MTX2: variants seen among roughly 807,000 people sequenced by gnomAD.
MTX2 encodes the protein metaxin-2.
MTX2 carries 35 observed loss-of-function variants against 42.3 expected under a neutral mutation model. The ratio of observed to expected loss-of-function variants is 0.83; its 90% CI spans 0.63 to 1.10. The LOEUF is 1.10. Ranked by LOEUF, MTX2 falls within the 50% of genes least tolerant of loss-of-function variation. The pLI, the probability that MTX2 is intolerant of heterozygous loss-of-function variation, is 0.00. For synonymous variants in MTX2, 119 were observed against 100.9 expected, an observed-to-expected ratio of 1.18 and a Z score of -1.08; for missense variants, 307 against 304.1, an observed-to-expected ratio of 1.01 and a Z score of -0.07.
chr2:176,281,951 G>A (rs1194690614), intron 1 of MTX2, among the ~76,000 whole-genome samples: 1 of 152,056 alleles, frequency 6.6e-6, no homozygotes, highest in Non-Finnish European at 1.5e-5. Flanking sequence ...GATAAGACAA[G>A]TATAGTTTTC....
rs1421272115 is a variant in MTX2 at position 176,330,595 on chromosome 2, T to C, written c.555T>C (p.Asp185=). The C allele has an allele frequency of 6.3e-7, 1 of 1,585,962 alleles. No homozygotes were observed. Among genetic ancestry groups the C allele is most frequent in the Admixed American group, 1.7e-5 (1 of 59,108 alleles). ...GKKTLDQVLE[D]VDQCCQALSQ... ...ATTGCCTGTGTTAGGTCTTAGAGGA[T>C]GTAGACCAGTGCTGTCAAGCTCTCT... is the stretch of plus-strand genomic sequence containing the variant. Residue 185 remains aspartate (D), a synonymous_variant, in exon 9 of 10, where the codon GAT becomes GAC. Transcript: ENST00000249442.
At chr2:176,269,893 C>A (rs1200716614) in intron 1 of MTX2, among the ~76,000 whole-genome samples, 13 of 152,104 alleles carry the variant, frequency 8.5e-5, no homozygotes, top group Admixed American at 8.5e-4. Flanking sequence ...CGTCTCCTTC[C>A]CTTGGGCGGT....
chr2:176,299,444 T>A (rs1683971785), intron 3 of MTX2, among the ~76,000 whole-genome samples: 2 of 152,164 alleles, frequency 1.3e-5, no homozygotes. Context: ...TAATTCTATT[T>A]TTATGATTTC....
intron 8 of MTX2, among the ~76,000 whole-genome samples, chr2:176,330,338 A>G (rs1411888399): frequency 6.9e-6 from 1 of 145,824 alleles, no homozygotes; most frequent in African/African-American, 2.5e-5. Flanking sequence ...AAAGTATTAT[A>G]TATATATACT....
chr2:176,270,525 A>T, intron 1 of MTX2: 1 of 737,836 alleles, frequency 1.4e-6, no homozygotes, highest in Non-Finnish European at 2.0e-6. Flanking sequence ...ATAGAGGCTA[A>T]TGGAATTAGT....
intron 3 of MTX2, among the ~76,000 whole-genome samples, chr2:176,309,603 T>G (rs1300335567): frequency 6.6e-5 from 10 of 152,194 alleles, no homozygotes; most frequent in African/African-American, 2.4e-4. Context: ...ATATTTAGGA[T>G]AGTTAGCTCT....
Position 176,337,851 on chromosome 2 carries a change from A to G in MTX2, c.*187A>G, listed in dbSNP as rs1685034880. The G allele has an allele frequency of 2.2e-6, 1 of 454,044 alleles. No individual in the cohort carries two copies. Among genetic ancestry groups the G allele is most frequent in the Non-Finnish European group, 3.7e-6 (1 of 271,822 alleles). The allele number at this position is 454,044 out of a possible 1,614,324, so 28.1% of individuals were successfully genotyped here. A position where few individuals can be genotyped will look rare whatever the true frequency, so the allele number is the denominator to read the frequency against. On this transcript the variant is annotated 3_prime_UTR_variant, in exon 10 of 10. Coordinates refer to ENST00000249442, the MANE Select transcript of MTX2 (RefSeq NM_006554.5). ...ACATTAAAATAATTCTGAATTATTT[A>G]ATCTGATATGTTGTATTCTGTATCT...
intron 1 of MTX2, among the ~76,000 whole-genome samples, chr2:176,282,707 T>TG (rs1693109901): frequency 2.0e-5 from 3 of 149,958 alleles, no homozygotes; most frequent in South Asian, 2.1e-4. Context: ...CTTTTTTTTT[T>TG]TTGTTTTTTT....
chr2:176,273,700 C>G (rs1692877897), intron 1 of MTX2, among the ~76,000 whole-genome samples: 1 of 152,104 alleles, frequency 6.6e-6, no homozygotes, highest in Non-Finnish European at 1.5e-5. Flanking sequence ...TTTCCCTTGC[C>G]AACTTTTCTC....
In MTX2 at chr2:176,298,684, G is replaced by C. The variant is rs191517093; in HGVS notation, c.135+789G>C. Among the ~76,000 whole-genome samples, 376 of 152,222 alleles carry C rather than the reference G, an allele frequency of 2.5e-3. 2 individuals carry two copies. The highest frequency in any genetic ancestry group is 4.4e-3 in the Non-Finnish European group (297 of 67,986). On this transcript the variant is annotated intron_variant, in intron 3 of 9. Transcript: ENST00000249442. ...CCACTAAATGTCTGTTGTATGAATGGTTTATAAGTGTGGTGAAAGTAGTCA... is the reference window on the plus strand; with the variant it reads ...CCACTAAATGTCTGTTGTATGAATGCTTTATAAGTGTGGTGAAAGTAGTCA...
In MTX2 at chr2:176,277,891, G is replaced by C. The variant is rs1692985058; in HGVS notation, c.40+8222G>C. Among the ~76,000 whole-genome samples, 4 of 152,052 alleles carry C rather than the reference G, an allele frequency of 2.6e-5. No homozygotes were observed. The South Asian group carries it at 8.3e-4, about 32-fold the overall frequency. ...CTTACACAGTTGTGCTTATGACCTT[G>C]AAGATACGAAGCTGAGATTGAATGG... is the stretch of plus-strand genomic sequence containing the variant. On this transcript the variant is annotated intron_variant, in intron 1 of 9. Coordinates refer to ENST00000249442, the MANE Select transcript of MTX2 (RefSeq NM_006554.5).
At chr2:176,287,965 A>T (rs1445046225) in intron 1 of MTX2, among the ~76,000 whole-genome samples, 1 of 151,678 alleles carries the variant, frequency 6.6e-6, no homozygotes, top group Non-Finnish European at 1.5e-5. Flanking sequence ...CTCCAACACA[A>T]GCCATTTTCT....
intron 1 of MTX2, among the ~76,000 whole-genome samples, chr2:176,286,186 A>G (rs1432451491): frequency 6.6e-6 from 1 of 152,188 alleles, no homozygotes; most frequent in African/African-American, 2.4e-5. Context: ...GGCTATTCAC[A>G]TTCCTTGCTC....
intron 9 of MTX2, among the ~76,000 whole-genome samples, chr2:176,333,735 G>T (rs1684914987): frequency 6.6e-6 from 1 of 151,484 alleles, no homozygotes; most frequent in Non-Finnish European, 1.5e-5. Flanking sequence ...TACCTTTTCT[G>T]TGTTTAGATA....
chr2:176,297,876 C>T lies in MTX2; in HGVS notation c.116C>T (p.Ala39Val). 1 of 1,558,322 alleles carries T rather than the reference C, an allele frequency of 6.4e-7. No individual in the cohort carries two copies. The change falls in exon 3 of 10, where the codon GCA becomes GTA. Residue 39 changes from alanine to valine, a missense_variant. Ala to Val is a moderately conservative substitution (Grantham distance 64, BLOSUM62 0). Coordinates refer to ENST00000249442, the MANE Select transcript of MTX2 (RefSeq NM_006554.5). ...KGEQILLSDN[A>V]ASLAVQAFLQ... is the part of the protein sequence containing the mutation. ...GAGCAAATTTTACTTTCTGACAATG[C>T]AGCTTCTCTTGCAGTGCAGGTAAAT...
chr2:176,314,419 A>G (rs1684389393), intron 3 of MTX2, among the ~76,000 whole-genome samples: 1 of 151,754 alleles, frequency 6.6e-6, no homozygotes, highest in Non-Finnish European at 1.5e-5. Context: ...CCTGGGTGAC[A>G]GAGCAAGACT....
At chr2:176,317,076 T>G (rs1684464493) in intron 3 of MTX2, among the ~76,000 whole-genome samples, 1 of 151,930 alleles carries the variant, frequency 6.6e-6, no homozygotes, top group Non-Finnish European at 1.5e-5. Context: ...TTCAGAAGTT[T>G]CTGTTGCTTT....
rs1177323845 is a variant in MTX2, at chr2:176,328,892, G to A, written c.397G>A (p.Asp133Asn). ...TTCCTAGCTGTATCTTCAGTGGTGT[G>A]ATGAAGCTACAGTAGGGGAGGTGAG... is the stretch of plus-strand genomic sequence containing the variant. ...LTAELYLQWC[D>N]EATVGEITHA... Residue 133 changes from aspartate to asparagine, a missense_variant, in exon 7 of 10, where the codon GAT becomes AAT. Asp to Asn is a conservative substitution (Grantham distance 23). Coordinates refer to ENST00000249442, the MANE Select transcript of MTX2 (RefSeq NM_006554.5). 2.5e-6 allele frequency: 4 copies of A among 1,607,464 alleles called. No individual in the cohort carries two copies. Among genetic ancestry groups the A allele is most frequent in the Non-Finnish European group, 3.4e-6 (4 of 1,175,594 alleles).
rs558834948 is a variant in MTX2, at chr2:176,277,846, A to C, written c.40+8177A>C. The stretch of plus-strand genomic sequence containing the variant: ...CGTTTAAGAGAATTAAAAAAAAAAC[A>C]TATTAGTCATATGAATAATCTTACA... On this transcript the variant is annotated intron_variant, in intron 1 of 9. Coordinates refer to ENST00000249442, the MANE Select transcript of MTX2 (RefSeq NM_006554.5). Among the ~76,000 whole-genome samples the C allele has an allele frequency of 3.7e-3, 567 of 152,114 alleles. 7 individuals are homozygous for C. The highest frequency in any genetic ancestry group is 0.012 in the African/African-American group (503 of 41,476).
Sources: gnomAD v4.1 joint callset for allele counts (sites outside exome capture counted in the v4.1 genomes callset) on GRCh38, gnomAD v4.1.1 for gene constraint, MANE v1.5 for transcripts, NCBI Gene and HGNC (gene_info 2026-07-23, HGNC 2026-07-21) for gene names.